FGF10: variants seen among roughly 807,000 people sequenced by gnomAD.
FGF10 encodes the protein FGF-10.
In FGF10, 2 loss-of-function variants were observed where a neutral mutation model predicts 19.8. The ratio of observed to expected loss-of-function variants is 0.10; its 90% CI spans 0.04 to 0.32. The LOEUF (loss-of-function observed/expected upper bound fraction) is 0.32. Among genes scored for constraint, FGF10 ranks in the 10% least tolerant of loss-of-function variants. The probability of loss-of-function intolerance (pLI) is 1.00; values close to 1 mark genes in which losing one functional copy is unlikely to be tolerated. For missense variants in FGF10, 191 were observed against 246.3 expected (o/e 0.78, Z 1.50); for synonymous variants, 112 against 94.0 (o/e 1.19, Z -1.10).
intron 1 of FGF10, among the ~76,000 whole-genome samples, chr5:44,331,188 C>A (rs865887930): frequency 2.2e-4 from 33 of 152,078 alleles, no homozygotes; most frequent in Admixed American, 2.0e-4. Flanking sequence ...TGTCCAGATA[C>A]AAATTAAGCC....
intron 1 of FGF10, among the ~76,000 whole-genome samples, chr5:44,327,361 C>T (rs371283570): frequency 2.0e-4 from 30 of 152,264 alleles, no homozygotes; most frequent in African/African-American, 7.2e-4. Flanking sequence ...CAGTCTTTTT[C>T]TTCTAAATTC....
intron 1 of FGF10, among the ~76,000 whole-genome samples, chr5:44,382,801 G>A (rs1354166968): frequency 2.6e-5 from 4 of 151,944 alleles, no homozygotes; most frequent in Admixed American, 2.6e-4. Context: ...CCATCTTACT[G>A]TAAAATAAAA....
rs1489883402 is a variant in FGF10, at chr5:44,302,202, AT to A, written c.*2792del. On this transcript the variant is annotated 3_prime_UTR_variant, in exon 3 of 3. Coordinates refer to ENST00000264664, the MANE Select transcript of FGF10 (RefSeq NM_004465.2). ...ATATGCCACTTTTAAATGCAAGAGA[AT>A]GTCATTACTCCTTACCAAACAATCT... Among the ~76,000 whole-genome samples, 1 of 151,798 alleles carries A rather than the reference AT, an allele frequency of 6.6e-6. No individual in the cohort carries two copies. The highest frequency in any genetic ancestry group is 1.5e-5 in the Non-Finnish European group (1 of 67,962).
chr5:44,381,714 T>G (rs1333877603), intron 1 of FGF10, among the ~76,000 whole-genome samples: 3 of 152,194 alleles, frequency 2.0e-5, no homozygotes, highest in Non-Finnish European at 4.4e-5. Context: ...CAGTAAAGCA[T>G]GTTAACACAA....
At chr5:44,368,534 T>C (rs1356812739) in intron 1 of FGF10, among the ~76,000 whole-genome samples, 2 of 152,144 alleles carry the variant, frequency 1.3e-5, no homozygotes, top group Non-Finnish European at 2.9e-5. Flanking sequence ...TGTCAGTGGT[T>C]ACATACTGCT....
intron 1 of FGF10, among the ~76,000 whole-genome samples, chr5:44,362,703 C>T (rs1741520042): frequency 6.6e-6 from 1 of 151,624 alleles, no homozygotes; most frequent in Admixed American, 6.6e-5. Context: ...CCCTCCTCTA[C>T]TCAAAATGTC....
At chr5:44,380,746 C>T (rs937482012) in intron 1 of FGF10, among the ~76,000 whole-genome samples, 3 of 152,062 alleles carry the variant, frequency 2.0e-5, no homozygotes, top group Non-Finnish European at 2.9e-5. Context: ...TTTGGGTGGC[C>T]GAGGCTGGAG....
At position 44,389,112 on chromosome 5, in the gene FGF10, TA is replaced by T. The variant is rs1349969624; in HGVS notation, c.-431del. 1.0e-5 allele frequency: 3 copies of T among 297,376 alleles called. No individual in the cohort carries two copies. Among genetic ancestry groups the T allele is most frequent in the African/African-American group, 6.5e-5 (3 of 46,254 alleles). 18.4% of individuals were successfully genotyped at this position (297,376 alleles called of 1,614,324 possible). ...AACCCAAGGGAGGTGGGGTGGGGAA[TA>T]GGGGGAGATATCTGCACCCCTCTGC... On this transcript the variant is annotated 5_prime_UTR_variant, in exon 1 of 3. Coordinates refer to ENST00000264664, the MANE Select transcript of FGF10 (RefSeq NM_004465.2).
chr5:44,377,614 A>ATTCT (rs1741895138), intron 1 of FGF10, among the ~76,000 whole-genome samples: 2 of 151,618 alleles, frequency 1.3e-5, no homozygotes, highest in African/African-American at 4.8e-5. Flanking sequence ...TTCATCTTCT[A>ATTCT]TTCTTTATTT....
chr5:44,344,612 C>T (rs1331499248), intron 1 of FGF10, among the ~76,000 whole-genome samples: 1 of 52,170 alleles, frequency 1.9e-5, no homozygotes, highest in African/African-American at 6.8e-5. Flanking sequence ...GTTAAACCAA[C>T]TCTCTGACCC....
At chr5:44,347,004 T>G (rs1741104546) in intron 1 of FGF10, among the ~76,000 whole-genome samples, 1 of 151,724 alleles carries the variant, frequency 6.6e-6, no homozygotes, top group Non-Finnish European at 1.5e-5. Flanking sequence ...TTTTGAAAAA[T>G]TTATTTCTGT....
At chr5:44,321,323 G>GGTTGATGTGTCT (rs1170339540) in intron 1 of FGF10, among the ~76,000 whole-genome samples, 1 of 152,176 alleles carries the variant, frequency 6.6e-6, no homozygotes, top group Non-Finnish European at 1.5e-5. Flanking sequence ...ATGTAGTCTA[G>GGTTGATGTGTCT]GTTGATGTGT....
chr5:44,355,100 A>G (rs1741317182), intron 1 of FGF10, among the ~76,000 whole-genome samples: 1 of 151,518 alleles, frequency 6.6e-6, no homozygotes, highest in Admixed American at 6.6e-5. Flanking sequence ...TCTAAAAGCC[A>G]TAAAAAGAAA....
chr5:44,354,901 G>T (rs1161318525), intron 1 of FGF10, among the ~76,000 whole-genome samples: 2 of 151,442 alleles, frequency 1.3e-5, no homozygotes, highest in African/African-American at 4.8e-5. Flanking sequence ...ATGCAGCTTC[G>T]ATCAGATCTT....
chr5:44,362,495 A>G (rs1484472272), intron 1 of FGF10, among the ~76,000 whole-genome samples: 1 of 151,776 alleles, frequency 6.6e-6, no homozygotes, highest in Admixed American at 6.6e-5. Flanking sequence ...CCCAGCAAAC[A>G]GCACAAAGCA....
chr5:44,335,361 G>A (rs1740823046), intron 1 of FGF10, among the ~76,000 whole-genome samples: 1 of 151,998 alleles, frequency 6.6e-6, no homozygotes, highest in Non-Finnish European at 1.5e-5. Flanking sequence ...AACTCTAGTG[G>A]CTGTATTTTC....
chr5:44,347,939 T>C (rs1741124777), intron 1 of FGF10, among the ~76,000 whole-genome samples: 1 of 151,748 alleles, frequency 6.6e-6, no homozygotes, highest in Admixed American at 6.6e-5. Context: ...GGGAACATGC[T>C]ATATTTTTAT....
intron 1 of FGF10, among the ~76,000 whole-genome samples, chr5:44,349,491 A>AATATCTATATATATCAGAAT (rs1741187478): frequency 2.7e-5 from 1 of 36,794 alleles, no homozygotes. Flanking sequence ...TATATATCAG[A>AATATCTATATATATCAGAAT]ATATATATAT....
intron 1 of FGF10, among the ~76,000 whole-genome samples, chr5:44,384,104 A>T (rs116475073): frequency 0.014 from 2,142 of 152,224 alleles, 35 homozygotes; most frequent in Non-Finnish European, 0.024. Flanking sequence ...AGAGTCATAT[A>T]TCAGAAGTTT....
Sources: allele counts gnomAD v4.1 joint callset (sites outside exome capture counted in the v4.1 genomes callset), GRCh38; gene constraint gnomAD v4.1.1; transcripts MANE v1.5; gene names NCBI Gene and HGNC (gene_info 2026-07-23, HGNC 2026-07-21).